The following CDH12 variants were observed in gnomAD, a reference collection of about 807,000 sequenced individuals.
CDH12 encodes cadherin 12.
CDH12 carries 41 observed loss-of-function variants against 74.1 expected under a neutral mutation model. That is an observed-to-expected ratio of 0.55 (90% CI 0.43 to 0.72). CDH12 has a LOEUF of 0.72. CDH12 is among the 30% of genes least tolerant of loss of function. CDH12 has a pLI of 0.00. For synonymous variants in CDH12, 399 were observed against 355.0 expected, an observed-to-expected ratio of 1.12 and a Z score of -1.39; for missense variants, 945 against 977.2, an observed-to-expected ratio of 0.97 and a Z score of 0.44.
In CDH12 at chr5:22,729,426, C is replaced by T. The variant is rs188471512; in HGVS notation, c.-523+123632G>A. On this transcript the variant is annotated intron_variant, in intron 1 of 14. Coordinates refer to ENST00000382254, the MANE Select transcript of CDH12 (RefSeq NM_004061.5). Reference sequence around the variant, plus strand: ...TATTACATTGCACTACCTGGGTAAGCCAGGATGATCTCCCTATTTTAAGAC... The same window carrying T: ...TATTACATTGCACTACCTGGGTAAGTCAGGATGATCTCCCTATTTTAAGAC... Among the ~76,000 whole-genome samples, 13 of 151,886 alleles carry T rather than the reference C, an allele frequency of 8.6e-5. No homozygotes were observed. In the East Asian group the frequency reaches 2.3e-3, roughly 27 times the overall value.
At chr5:22,255,535 A>G (rs1207146496) in intron 3 of CDH12, among the ~76,000 whole-genome samples, 1 of 151,758 alleles carries the variant, frequency 6.6e-6, no homozygotes, top group Non-Finnish European at 1.5e-5. Flanking sequence ...ATAAAATAAA[A>G]GTTGACCAAA....
At chr5:22,130,387 T>C (rs1281465137) in intron 4 of CDH12, among the ~76,000 whole-genome samples, 1 of 152,122 alleles carries the variant, frequency 6.6e-6, no homozygotes, top group Non-Finnish European at 1.5e-5. Flanking sequence ...GACATTAGAA[T>C]GCAAGAGATG....
At chr5:22,804,934 C>T (rs543233889) in intron 1 of CDH12, among the ~76,000 whole-genome samples, 1 of 152,084 alleles carries the variant, frequency 6.6e-6, no homozygotes, top group Non-Finnish European at 1.5e-5. Context: ...TTATCTTTTC[C>T]CTTTGTTTTT....
At chr5:21,840,354 C>G (rs1301493971) in intron 8 of CDH12, among the ~76,000 whole-genome samples, 4 of 152,008 alleles carry the variant, frequency 2.6e-5, no homozygotes, top group African/African-American at 9.7e-5. Flanking sequence ...AATACTTCAA[C>G]TATTGGCTCA....
At chr5:22,603,159 C>G (rs1580807900) in intron 1 of CDH12, among the ~76,000 whole-genome samples, 1 of 151,996 alleles carries the variant, frequency 6.6e-6, no homozygotes, top group East Asian at 1.9e-4. Context: ...TACCCAGAAA[C>G]AGGGCACAAG....
At chr5:21,891,722 T>A (rs1045782230) in intron 6 of CDH12, among the ~76,000 whole-genome samples, 1 of 152,064 alleles carries the variant, frequency 6.6e-6, no homozygotes, top group Admixed American at 6.6e-5. Context: ...TAGGAGACAA[T>A]CAATGTTTTC....
intron 5 of CDH12, among the ~76,000 whole-genome samples, chr5:22,071,560 C>T (rs1741939918): frequency 6.6e-6 from 1 of 151,992 alleles, no homozygotes; most frequent in African/African-American, 2.4e-5. Flanking sequence ...TGCCTTTTGC[C>T]TCTTACTAAT....
chr5:22,155,736 T>C (rs1245493457), intron 4 of CDH12, among the ~76,000 whole-genome samples: 1 of 152,134 alleles, frequency 6.6e-6, no homozygotes, highest in Non-Finnish European at 1.5e-5. Flanking sequence ...AAGTCATATG[T>C]TTAAGGAAAT....
At chr5:21,833,087 TA>T (rs1205302189) in intron 8 of CDH12, among the ~76,000 whole-genome samples, 1 of 47,094 alleles carries the variant, frequency 2.1e-5, no homozygotes, top group African/African-American at 7.0e-5. Flanking sequence ...TATTATATTA[TA>T]AATATATATT....
At chr5:22,016,908 T>C (rs1274901458) in intron 5 of CDH12, among the ~76,000 whole-genome samples, 1 of 152,124 alleles carries the variant, frequency 6.6e-6, no homozygotes, top group Non-Finnish European at 1.5e-5. Context: ...ACTACATTTA[T>C]TGATCTTGTT....
chr5:22,838,198 C>A (rs1292790645), intron 1 of CDH12, among the ~76,000 whole-genome samples: 1 of 152,108 alleles, frequency 6.6e-6, no homozygotes, highest in East Asian at 1.9e-4. Context: ...TCTCTATTTC[C>A]TTGGCTGTAG....
chr5:22,666,458 T>C (rs1740629481), intron 1 of CDH12, among the ~76,000 whole-genome samples: 1 of 151,714 alleles, frequency 6.6e-6, no homozygotes, highest in Non-Finnish European at 1.5e-5. Flanking sequence ...CCCGGCTAAT[T>C]TTTGTATTTT....
At chr5:22,652,228 G>A (rs1739782343) in intron 1 of CDH12, among the ~76,000 whole-genome samples, 1 of 152,098 alleles carries the variant, frequency 6.6e-6, no homozygotes, top group Non-Finnish European at 1.5e-5. Flanking sequence ...TTATGTAAAT[G>A]ATCTCCTGCA....
In CDH12 at chr5:22,654,279, ATTTC is replaced by A. The variant is rs534997017; in HGVS notation, c.-522-148919_-522-148916del. On this transcript the variant is annotated intron_variant, in intron 1 of 14. Coordinates refer to ENST00000382254, the MANE Select transcript of CDH12 (RefSeq NM_004061.5). Reference sequence around the variant, plus strand: ...CTTTCTTGCTTTCTTTCTTTTACGTATTTCTTTCTTTCTTTCTTCTTTCCTTTTT... The same window carrying A: ...CTTTCTTGCTTTCTTTCTTTTACGTATTTCTTTCTTTCTTCTTTCCTTTTT... 5.4e-3 allele frequency among the ~76,000 whole-genome samples: 576 copies of A among 107,484 alleles called. 3 individuals are homozygous for A. Among genetic ancestry groups the A allele is most frequent in the Non-Finnish European group, 8.7e-3 (421 of 48,544 alleles). 70.5% of individuals were successfully genotyped at this position (107,484 alleles called of 152,430 possible).
chr5:21,913,166 CT>C (rs1236947707), intron 6 of CDH12, among the ~76,000 whole-genome samples: 1 of 152,102 alleles, frequency 6.6e-6, no homozygotes, highest in Non-Finnish European at 1.5e-5. Context: ...TATGATTCAT[CT>C]TAGGGAAGAT....
chr5:22,643,890 C>T (rs541294182), intron 1 of CDH12, among the ~76,000 whole-genome samples: 4 of 151,936 alleles, frequency 2.6e-5, no homozygotes, highest in African/African-American at 9.7e-5. Context: ...AACATTTTCA[C>T]TATGATATTA....
chr5:22,683,598 C>A (rs1261317974), intron 1 of CDH12, among the ~76,000 whole-genome samples: 1 of 152,100 alleles, frequency 6.6e-6, no homozygotes, highest in Non-Finnish European at 1.5e-5. Flanking sequence ...ATTGAAAAAG[C>A]AATTTCTCAA....
chr5:22,385,205 A>G (rs1447219816), intron 3 of CDH12, among the ~76,000 whole-genome samples: 1 of 152,198 alleles, frequency 6.6e-6, no homozygotes, highest in Non-Finnish European at 1.5e-5. Flanking sequence ...AAAAATATAT[A>G]GATATTGGCT....
intron 5 of CDH12, among the ~76,000 whole-genome samples, chr5:22,071,065 C>T (rs987439596): frequency 1.3e-5 from 2 of 152,068 alleles, no homozygotes; most frequent in African/African-American, 4.8e-5. Context: ...TGCAGCAAAC[C>T]ACCATGGCAC....
Sources: allele counts gnomAD v4.1 joint callset (sites outside exome capture counted in the v4.1 genomes callset), GRCh38; gene constraint gnomAD v4.1.1; transcripts MANE v1.5; gene names NCBI Gene and HGNC (gene_info 2026-07-23, HGNC 2026-07-21).